The following CDKAL1 variants were observed in gnomAD, a reference collection of about 807,000 sequenced individuals.
The protein encoded by CDKAL1 is threonylcarbamoyladenosine tRNA methylthiotransferase.
CDKAL1 carries 32 observed loss-of-function variants against 68.2 expected under a neutral mutation model. The ratio of observed to expected loss-of-function variants is 0.47; its 90% CI spans 0.35 to 0.63. The LOEUF is 0.63. Ranked by LOEUF, CDKAL1 falls within the 30% of genes least tolerant of loss-of-function variation. The pLI is 0.00. For synonymous variants in CDKAL1, 234 were observed against 244.3 expected (o/e 0.96, Z 0.39); for missense variants, 606 against 696.7 (o/e 0.87, Z 1.47).
At chr6:20,581,164 TC>T (rs1324979674) in intron 4 of CDKAL1, among the ~76,000 whole-genome samples, 3 of 152,232 alleles carry the variant, frequency 2.0e-5, no homozygotes, top group Non-Finnish European at 4.4e-5. Context: ...GCCTCAGTTA[TC>T]CCTGATGTAG....
At chr6:21,020,539 C>T (rs1768591125) in intron 11 of CDKAL1, among the ~76,000 whole-genome samples, 1 of 152,062 alleles carries the variant, frequency 6.6e-6, no homozygotes, top group Non-Finnish European at 1.5e-5. Context: ...ACTATCTTGG[C>T]TCACCACAAC....
chr6:20,952,010 G>C (rs1764554355), intron 9 of CDKAL1, among the ~76,000 whole-genome samples: 1 of 140,546 alleles, frequency 7.1e-6, no homozygotes, highest in African/African-American at 2.6e-5. Flanking sequence ...CCAGGCTGGA[G>C]TGCAGTGGCA....
intron 11 of CDKAL1, among the ~76,000 whole-genome samples, chr6:21,060,328 T>A (rs1177939203): frequency 6.6e-6 from 1 of 152,222 alleles, no homozygotes; most frequent in African/African-American, 2.4e-5. Flanking sequence ...GGGAGTTTAC[T>A]GGCATAAGGT....
intron 14 of CDKAL1, among the ~76,000 whole-genome samples, chr6:21,199,419 C>T (rs1391496115): frequency 1.3e-5 from 2 of 152,210 alleles, no homozygotes; most frequent in Non-Finnish European, 2.9e-5. Flanking sequence ...TTCCCCATCT[C>T]ATTAATATAC....
intron 12 of CDKAL1, among the ~76,000 whole-genome samples, chr6:21,075,588 CTATAATA>C (rs1350828896): frequency 2.0e-5 from 3 of 151,932 alleles, no homozygotes; most frequent in Non-Finnish European, 4.4e-5. Flanking sequence ...TTTTACAAGA[CTATAATA>C]TATAAGCGAT....
At chr6:20,966,239 T>C (rs1236233133) in intron 10 of CDKAL1, among the ~76,000 whole-genome samples, 1 of 152,250 alleles carries the variant, frequency 6.6e-6, no homozygotes, top group Non-Finnish European at 1.5e-5. Context: ...GATGTACATC[T>C]GTTCTCTACA....
At chr6:20,984,310 T>C (rs1340218807) in intron 10 of CDKAL1, among the ~76,000 whole-genome samples, 5 of 152,074 alleles carry the variant, frequency 3.3e-5, no homozygotes, top group Admixed American at 6.5e-5. Context: ...GTTCCACAGC[T>C]CATGGGTGGG....
rs747523212 is a variant in CDKAL1 at position 20,955,420 on chromosome 6, G to C, written c.744G>C (p.Glu248Asp). ...LVDRAKQSFQ[E>D]GVCEIWLTSE... The stretch of plus-strand genomic sequence containing the variant: ...TTAATTATCTCTTTTGATTCACAGA[G>C]GGTGTTTGTGAGATATGGTTGACCA... The change falls in exon 10 of 16, where the codon GAG (glutamate) becomes GAC (aspartate). Residue 248 changes from glutamate (E) to aspartate (D), a missense_variant and splice_region_variant. Physicochemically the swap from Glu to Asp is conservative, Grantham distance 45. Coordinates refer to ENST00000274695, the MANE Select transcript of CDKAL1 (RefSeq NM_017774.3). The C allele has an allele frequency of 4.3e-6, 7 of 1,613,998 alleles. No homozygotes were observed. Among genetic ancestry groups the C allele is most frequent in the Non-Finnish European group, 5.9e-6 (7 of 1,179,922 alleles).
chr6:21,212,072 A>G (rs1274360871), intron 15 of CDKAL1, among the ~76,000 whole-genome samples: 1 of 152,126 alleles, frequency 6.6e-6, no homozygotes, highest in Non-Finnish European at 1.5e-5. Context: ...CATGTGGGAA[A>G]GTTTTTGGGC....
At chr6:20,682,951 C>CTTTTTTTTTTTTTTT (rs11364854) in intron 5 of CDKAL1, among the ~76,000 whole-genome samples, 1 of 126,538 alleles carries the variant, frequency 7.9e-6, no homozygotes. Context: ...CTTTTTCTTT[C>CTTTTTTTTTTTTTTT]TTTTTTTTTT....
intron 6 of CDKAL1, among the ~76,000 whole-genome samples, chr6:20,748,191 T>C (rs1304337498): frequency 1.3e-5 from 2 of 152,156 alleles, no homozygotes; most frequent in Non-Finnish European, 2.9e-5. Flanking sequence ...GGTTTAAAAT[T>C]ACAGTCTAAA....
At chr6:20,912,187 C>T (rs1262473199) in intron 9 of CDKAL1, among the ~76,000 whole-genome samples, 3 of 152,052 alleles carry the variant, frequency 2.0e-5, no homozygotes, top group Non-Finnish European at 2.9e-5. Flanking sequence ...CTTTCAAATT[C>T]GTAAAAATTT....
chr6:20,759,677 A>C (rs1294363797), intron 7 of CDKAL1, among the ~76,000 whole-genome samples: 7 of 152,250 alleles, frequency 4.6e-5, no homozygotes, highest in Non-Finnish European at 8.8e-5. Context: ...TTACACTAAA[A>C]ATTACACAAA....
chr6:20,737,866 G>A (rs1324785941), intron 5 of CDKAL1, among the ~76,000 whole-genome samples: 1 of 152,128 alleles, frequency 6.6e-6, no homozygotes, highest in East Asian at 1.9e-4. Flanking sequence ...ATAGTATTTT[G>A]TACTCTGTCT....
At chr6:20,944,530 A>G (rs1175931762) in intron 9 of CDKAL1, among the ~76,000 whole-genome samples, 1 of 152,158 alleles carries the variant, frequency 6.6e-6, no homozygotes, top group Non-Finnish European at 1.5e-5. Flanking sequence ...TATTTTTAGT[A>G]GAGACAGGGT....
chr6:20,952,482 C>A (rs993636526), intron 9 of CDKAL1, among the ~76,000 whole-genome samples: 1 of 152,146 alleles, frequency 6.6e-6, no homozygotes, highest in South Asian at 2.1e-4. Flanking sequence ...AGTCAGTGTC[C>A]CCTTGCCAGC....
At chr6:21,170,830 T>C (rs955080007) in intron 13 of CDKAL1, among the ~76,000 whole-genome samples, 3 of 152,122 alleles carry the variant, frequency 2.0e-5, no homozygotes, top group Admixed American at 6.5e-5. Flanking sequence ...TTCCACTGCT[T>C]TTAGTTGGTA....
chr6:21,033,501 A>G (rs1476654708), intron 11 of CDKAL1, among the ~76,000 whole-genome samples: 1 of 152,100 alleles, frequency 6.6e-6, no homozygotes, highest in Non-Finnish European at 1.5e-5. Flanking sequence ...GTGGACATGG[A>G]GGATAGGCTT....
intron 12 of CDKAL1, among the ~76,000 whole-genome samples, chr6:21,090,259 T>C (rs547665503): frequency 1.2e-4 from 18 of 152,356 alleles, no homozygotes; most frequent in African/African-American, 4.1e-4. Context: ...ATGCAGACAC[T>C]GTACCAAGCA....
Sources: allele counts gnomAD v4.1 joint callset (sites outside exome capture counted in the v4.1 genomes callset), GRCh38; gene constraint gnomAD v4.1.1; transcripts MANE v1.5; gene names NCBI Gene and HGNC (gene_info 2026-07-23, HGNC 2026-07-21).